CNTN3: variants seen among roughly 807,000 people sequenced by gnomAD.
The protein encoded by CNTN3 is contactin 3, also known as contactin-3.
In CNTN3, 60 loss-of-function variants were observed where a neutral mutation model predicts 119.1. The ratio of observed to expected loss-of-function variants is 0.50; its 90% confidence interval spans 0.41 to 0.62. CNTN3 has a LOEUF of 0.62. Ranked by LOEUF, CNTN3 falls within the 20% of genes least tolerant of loss-of-function variation. The pLI is 0.00. For missense variants in CNTN3, 1,101 were observed against 1,242.4 expected, an observed-to-expected ratio of 0.89 and a Z score of 1.71; for synonymous variants, 450 against 438.7, an observed-to-expected ratio of 1.03 and a Z score of -0.32.
intron 13 of CNTN3, among the ~76,000 whole-genome samples, chr3:74,334,054 C>T (rs1026050884): frequency 2.0e-5 from 3 of 152,132 alleles, no homozygotes; most frequent in African/African-American, 7.2e-5. Flanking sequence ...CAGCATTAAG[C>T]CACTTCTTGA....
intron 11 of CNTN3, among the ~76,000 whole-genome samples, chr3:74,340,547 G>A (rs1367647639): frequency 6.6e-6 from 1 of 152,094 alleles, no homozygotes; most frequent in African/African-American, 2.4e-5. Flanking sequence ...CAAAGAGAAT[G>A]ACACTTGATT....
At position 74,447,281 on chromosome 3, in the gene CNTN3, A is replaced by T. The variant is rs1157096223; in HGVS notation, c.359-22341T>A. ...CCTCCAGTAGGAGGACTACTGAACA[A>T]CATATGGTGATCCAGCAGGGAGGAA... On this transcript the variant is annotated intron_variant, in intron 4 of 22. Transcript: ENST00000263665. Among the ~76,000 whole-genome samples the T allele has an allele frequency of 2.0e-5, 3 of 152,278 alleles. No individual in the cohort carries two copies. The South Asian group carries it at 6.2e-4, about 32-fold the overall frequency.
At chr3:74,603,544 G>C (rs1704945237) in intron 1 of CNTN3, among the ~76,000 whole-genome samples, 1 of 152,080 alleles carries the variant, frequency 6.6e-6, no homozygotes, top group South Asian at 2.1e-4. Flanking sequence ...TGAGATTTTT[G>C]AATTGTTATC....
intron 13 of CNTN3, among the ~76,000 whole-genome samples, chr3:74,323,519 C>A (rs1334721845): frequency 6.6e-6 from 1 of 152,206 alleles, no homozygotes; most frequent in Middle Eastern, 3.4e-3. Context: ...CTAAAACTAA[C>A]TATTGCAATG....
chr3:74,421,184 T>A (rs1256832940), intron 5 of CNTN3, among the ~76,000 whole-genome samples: 1 of 152,204 alleles, frequency 6.6e-6, no homozygotes, highest in Admixed American at 6.5e-5. Context: ...TATTTTATTT[T>A]TTTTGAGACA....
chr3:74,376,725 C>T (rs563945873), intron 5 of CNTN3, among the ~76,000 whole-genome samples: 2 of 152,200 alleles, frequency 1.3e-5, no homozygotes, highest in East Asian at 3.9e-4. Context: ...AAAAATTCAT[C>T]CACAAAACAG....
chr3:74,382,161 T>C (rs1704637795), intron 5 of CNTN3, among the ~76,000 whole-genome samples: 1 of 151,934 alleles, frequency 6.6e-6, no homozygotes, highest in South Asian at 2.1e-4. Context: ...TGAGCTGAGA[T>C]CGCACCTTTG....
chr3:74,614,160 G>T (rs1466844652), intron 1 of CNTN3, among the ~76,000 whole-genome samples: 2 of 152,190 alleles, frequency 1.3e-5, no homozygotes, highest in Admixed American at 6.5e-5. Flanking sequence ...TCCAGCTGGG[G>T]ATGCAGCCTT....
chr3:74,541,830 A>G (rs1280501006), intron 1 of CNTN3, among the ~76,000 whole-genome samples: 1 of 152,232 alleles, frequency 6.6e-6, no homozygotes, highest in East Asian at 1.9e-4. Context: ...ATAAAGCTGT[A>G]GATTAGAACA....
At chr3:74,340,576 A>T (rs560565458) in intron 11 of CNTN3, among the ~76,000 whole-genome samples, 22 of 152,222 alleles carry the variant, frequency 1.4e-4, no homozygotes, top group African/African-American at 4.8e-4. Context: ...TGCTCCGGAA[A>T]TTTTACCTAT....
chr3:74,448,944 T>G (rs2106943254), intron 4 of CNTN3, among the ~76,000 whole-genome samples: 1 of 152,200 alleles, frequency 6.6e-6, no homozygotes, highest in South Asian at 2.1e-4. Context: ...AGATGAAAAA[T>G]TTATAAACCA....
At chr3:74,559,855 A>G (rs1200448414) in intron 1 of CNTN3, among the ~76,000 whole-genome samples, 1 of 152,196 alleles carries the variant, frequency 6.6e-6, no homozygotes, top group Non-Finnish European at 1.5e-5. Context: ...GATAACCAGA[A>G]TTATGGAGTC....
chr3:74,445,071 G>T (rs373641827), intron 4 of CNTN3, among the ~76,000 whole-genome samples: 1 of 152,028 alleles, frequency 6.6e-6, no homozygotes, highest in African/African-American at 2.4e-5. Context: ...CAACTACTGC[G>T]GTATTGCTCC....
At chr3:74,566,872 T>C (rs1251485149) in intron 1 of CNTN3, among the ~76,000 whole-genome samples, 3 of 152,192 alleles carry the variant, frequency 2.0e-5, no homozygotes, top group Non-Finnish European at 2.9e-5. Flanking sequence ...AGACAAGTTA[T>C]GGCAATCCTA....
In CNTN3 at chr3:74,572,606, A is replaced by G. The variant is rs1036585177; in HGVS notation, c.-81+41785T>C. Among the ~76,000 whole-genome samples, 7 of 152,240 alleles carry G rather than the reference A, an allele frequency of 4.6e-5. No individual in the cohort carries two copies. The East Asian group carries it at 1.3e-3, about 29-fold the overall frequency. On this transcript the variant is annotated intron_variant, in intron 1 of 22. Coordinates refer to ENST00000263665, the MANE Select transcript of CNTN3 (RefSeq NM_020872.3). ...CTGTGCATATGTGTGTAAAAAGGGCACCAAACACACTAATTAAACTCTTAA... is the reference window on the plus strand; with the variant it reads ...CTGTGCATATGTGTGTAAAAAGGGCGCCAAACACACTAATTAAACTCTTAA...
intron 5 of CNTN3, among the ~76,000 whole-genome samples, chr3:74,397,220 A>G (rs962733169): frequency 6.6e-6 from 1 of 152,190 alleles, no homozygotes; most frequent in African/African-American, 2.4e-5. Flanking sequence ...AACATGGGTG[A>G]GAGTATTTGT....
At chr3:74,330,918 G>A (rs181545614) in intron 13 of CNTN3, among the ~76,000 whole-genome samples, 1 of 152,202 alleles carries the variant, frequency 6.6e-6, no homozygotes, top group Non-Finnish European at 1.5e-5. Flanking sequence ...TTTTTGTATA[G>A]CTGTACAATG....
intron 11 of CNTN3, among the ~76,000 whole-genome samples, chr3:74,341,553 T>C (rs1045268493): frequency 6.6e-6 from 1 of 152,162 alleles, no homozygotes; most frequent in Non-Finnish European, 1.5e-5. Flanking sequence ...ATTTGTACCT[T>C]TTTATTGGTA....
At chr3:74,558,136 T>C (rs1456013699) in intron 1 of CNTN3, among the ~76,000 whole-genome samples, 2 of 152,138 alleles carry the variant, frequency 1.3e-5, no homozygotes, top group East Asian at 1.9e-4. Flanking sequence ...TTTTGCATGA[T>C]ATATGAAAGC....
Sources: allele counts gnomAD v4.1 joint callset (sites outside exome capture counted in the v4.1 genomes callset), GRCh38; gene constraint gnomAD v4.1.1; transcripts MANE v1.5; gene names NCBI Gene and HGNC (gene_info 2026-07-23, HGNC 2026-07-21).